KDM5A: variants seen among roughly 807,000 people sequenced by gnomAD.
KDM5A encodes lysine demethylase 5A, also known as lysine-specific demethylase 5A.
In KDM5A, 42 loss-of-function variants were observed where a neutral mutation model predicts 193.5. That is an observed-to-expected ratio of 0.22 (90% CI 0.17 to 0.28). The LOEUF is 0.28. Ranked by LOEUF, KDM5A falls within the 10% of genes least tolerant of loss-of-function variation. The pLI is 1.00. For synonymous variants in KDM5A, 796 were observed against 718.1 expected (o/e 1.11, Z -1.73); for missense variants, 1,692 against 2,055.1 (o/e 0.82, Z 3.42).
intron 1 of KDM5A, among the ~76,000 whole-genome samples, chr12:388,690 G>A (rs1944680822): frequency 6.6e-6 from 1 of 152,194 alleles, no homozygotes; most frequent in Admixed American, 6.5e-5. Context: ...TGAGAGAAAA[G>A]TATCAGTTCC....
At chr12:382,796 T>A (rs1410272168) in intron 3 of KDM5A, among the ~76,000 whole-genome samples, 1 of 151,768 alleles carries the variant, frequency 6.6e-6, no homozygotes, top group Admixed American at 6.6e-5. Context: ...GCCTGGTGTG[T>A]TGGCACATGC....
intron 18 of KDM5A, among the ~76,000 whole-genome samples, chr12:318,892 C>T (rs1371374742): frequency 6.6e-6 from 1 of 152,152 alleles, no homozygotes. Context: ...TGGGGAAGGG[C>T]ATATTACTTA....
chr12:379,593 A>C (rs1565553143), intron 3 of KDM5A, among the ~76,000 whole-genome samples: 1 of 152,228 alleles, frequency 6.6e-6, no homozygotes, highest in Non-Finnish European at 1.5e-5. Context: ...CATTTAGGGA[A>C]CAAAGTATTA....
chr12:368,442 A>G (rs753893295), intron 3 of KDM5A, among the ~76,000 whole-genome samples: 1 of 152,198 alleles, frequency 6.6e-6, no homozygotes, highest in South Asian at 2.1e-4. Context: ...TACTAGTTAT[A>G]TGACCTTGGC....
In KDM5A at chr12:318,113, G is replaced by A. The variant is rs1943670556; in HGVS notation, c.2890C>T (p.Gln964Ter). Residue 964 changes from glutamine (Q) to a stop codon, truncating the protein, a stop_gained, in exon 19 of 28, where the codon CAG becomes TAG. Coordinates refer to ENST00000399788, the MANE Select transcript of KDM5A (RefSeq NM_001042603.3). LOFTEE classifies it high-confidence loss of function. ...TCACCAAAATGTGTTCACCTTGCCT[G>A]TAGGCAGACCTTAGCCTTTTCTTCC... ...RWEEKAKVCLQARPRHSVASL... is the reference protein window; with the variant it reads ...RWEEKAKVCL 6.2e-7 allele frequency: 1 copy of A among 1,613,572 alleles called. No individual in the cohort carries two copies. Among genetic ancestry groups the A allele is most frequent in the Non-Finnish European group, 8.5e-7 (1 of 1,179,504 alleles).
At chr12:322,701 C>A in intron 16 of KDM5A, 134 bp from the exon 17 acceptor site, 1 of 754,332 alleles carries the variant, frequency 1.3e-6, no homozygotes, top group Non-Finnish European at 2.2e-6. Flanking sequence ...AAACAAACAG[C>A]TGTGAAAATC....
intron 24 of KDM5A, among the ~76,000 whole-genome samples, chr12:304,644 A>G (rs1286116220): frequency 6.6e-6 from 1 of 152,118 alleles, no homozygotes; most frequent in Non-Finnish European, 1.5e-5. Flanking sequence ...TACCCTGCCA[A>G]TACCCACTAC....
In KDM5A at chr12:349,713, C is replaced by CT. The variant is rs1424495740; in HGVS notation, c.1308+907dup. 5.2e-3 allele frequency among the ~76,000 whole-genome samples: 780 copies of CT among 148,816 alleles called. 4 individuals are homozygous for CT. Among genetic ancestry groups the CT allele is most frequent in the African/African-American group, 0.01 (405 of 40,500 alleles). On this transcript the variant is annotated intron_variant, in intron 10 of 27. Transcript: ENST00000399788. The stretch of plus-strand genomic sequence containing the variant: ...AATTAAATTAGCTTTTTTTTTTTTC[C>CT]TTTTTTTTAAGAGACAGGTTTTTCT...
At position 318,349 on chromosome 12, in the gene KDM5A, T is replaced by C. The variant is rs201957346; in HGVS notation, c.2654A>G (p.Tyr885Cys). Residue 885 changes from tyrosine (Y) to cysteine (C), a missense_variant, in exon 19 of 28, where the codon TAT (tyrosine) becomes TGT (cysteine). Tyr to Cys is a radical substitution (Grantham distance 194, BLOSUM62 -2). Around this residue, in one of 11 missense-constraint regions of KDM5A, gnomAD observed 965 missense variants for 1,061.0 expected, o/e 0.91. Transcript: ENST00000399788. ...QMLIDMGSSL[Y>C]VELPELPRLK... ...TCGTGGTAATTCAGGGAGTTCCACA[T>C]AGAGACTAGAGCCCATATCTATCAA... The C allele has an allele frequency of 5.6e-6, 9 of 1,614,176 alleles. No homozygotes were observed. The highest frequency in any genetic ancestry group is 1.7e-5 in the Admixed American group (1 of 60,022).
At chr12:349,687 T>G (rs962187611) in intron 10 of KDM5A, among the ~76,000 whole-genome samples, 5 of 128,854 alleles carry the variant, frequency 3.9e-5, no homozygotes, top group African/African-American at 1.5e-4. Flanking sequence ...AATTTTGAAC[T>G]AATTAAATTA....
intron 27 of KDM5A, among the ~76,000 whole-genome samples, chr12:288,601 AAATCTGGT>A (rs1213390125): frequency 3.3e-5 from 5 of 152,232 alleles, no homozygotes; most frequent in African/African-American, 1.2e-4. Flanking sequence ...GGAAAAAAGA[AAATCTGGT>A]AATTTAGTGA....
At position 351,705 on chromosome 12, in the gene KDM5A, A is replaced by T. The variant is rs1373953154; in HGVS notation, c.1149+500T>A. Reference sequence around the variant, plus strand: ...AATAGACAGCTGGGCGTGGTGGCTCACATCTGTAATCCCAACACTTTGGGA... The same window carrying T: ...AATAGACAGCTGGGCGTGGTGGCTCTCATCTGTAATCCCAACACTTTGGGA... On this transcript the variant is annotated intron_variant, in intron 9 of 27. Coordinates refer to ENST00000399788, the MANE Select transcript of KDM5A (RefSeq NM_001042603.3). Among the ~76,000 whole-genome samples the T allele has an allele frequency of 2.0e-5, 3 of 152,210 alleles. No homozygotes were observed. The East Asian group carries it at 5.8e-4, about 29-fold the overall frequency.
chr12:306,754 A>T, intron 24 of KDM5A, 192 bp downstream of exon 24: 1 of 632,656 alleles, frequency 1.6e-6, no homozygotes, highest in South Asian at 1.8e-5. Context: ...AAAAAAAAAA[A>T]AAAAAATTGT....
chr12:306,774 C>A (rs2137385802), intron 24 of KDM5A, 172 bp downstream of exon 24: 1 of 726,458 alleles, frequency 1.4e-6, no homozygotes, highest in Non-Finnish European at 2.3e-6. Flanking sequence ...TTTCAGCAAC[C>A]TGTAATGTTT....
intron 9 of KDM5A, among the ~76,000 whole-genome samples, chr12:351,204 C>A (rs984618825): frequency 6.6e-6 from 1 of 152,108 alleles, no homozygotes; most frequent in Non-Finnish European, 1.5e-5. Flanking sequence ...TGCTATCCCT[C>A]CCCTAGCCCC....
rs2137369744 is a variant in KDM5A at position 295,621 on chromosome 12, C to T, written c.4407G>A (p.Leu1469=). Residue 1469 remains leucine (L), a synonymous_variant, in exon 26 of 28, where the codon TTG becomes TTA. Coordinates refer to ENST00000399788, the MANE Select transcript of KDM5A (RefSeq NM_001042603.3). ...CTTCAGAGGGTGGGTGTGTGGCCTG[C>T]AAAATCCGCCATATGTGTTGAGTCT... ...LDETQHIWRI[L]QATHPPSEDR... The T allele has an allele frequency of 1.2e-6, 2 of 1,614,128 alleles. No homozygotes were observed. Among genetic ancestry groups the T allele is most frequent in the Non-Finnish European group, 1.7e-6 (2 of 1,180,004 alleles).
intron 3 of KDM5A, among the ~76,000 whole-genome samples, chr12:380,194 G>T (rs1260294373): frequency 6.6e-6 from 1 of 151,922 alleles, no homozygotes; most frequent in Non-Finnish European, 1.5e-5. Flanking sequence ...CTTGAACCCA[G>T]GAGGTGGGAG....
At position 285,485 on chromosome 12, in the gene KDM5A, G is replaced by A. The variant is rs1943209679; in HGVS notation, c.5044C>T (p.Pro1682Ser). ...CTGGTCTCTTTAAGATCCTCCATTG[G>A]TAGTTTGTAGCTCATTATGAAGGAA... ...PPSFIMSYKL[P>S]MEDLKETS The change falls in exon 28 of 28, where the codon CCA (proline) becomes TCA (serine). Residue 1682 changes from proline to serine, a missense_variant. Transcript: ENST00000399788. 4 of 1,613,988 alleles carry A rather than the reference G, an allele frequency of 2.5e-6. No homozygotes were observed. The South Asian group carries it at 4.4e-5, about 18-fold the overall frequency.
At chr12:364,928 T>C (rs1944337764) in intron 4 of KDM5A, among the ~76,000 whole-genome samples, 2 of 152,146 alleles carry the variant, frequency 1.3e-5, no homozygotes, top group Admixed American at 6.5e-5. Flanking sequence ...TTATTCATAA[T>C]AGCCATAAAC....
Sources: gnomAD v4.1 joint callset for allele counts (sites outside exome capture counted in the v4.1 genomes callset) on GRCh38, gnomAD v4.1.1 for gene constraint, gnomAD v4.1.1 regional missense constraint, MANE v1.5 for transcripts, NCBI Gene and HGNC (gene_info 2026-07-23, HGNC 2026-07-21) for gene names.